The following GZMK variants were observed in gnomAD, a reference collection of about 807,000 sequenced individuals.
GZMK encodes granzyme K, also known as NK-Tryp-2.
In GZMK, 18 loss-of-function variants were observed where a neutral mutation model predicts 22.8. The ratio of observed to expected loss-of-function variants is 0.79; its 90% CI spans 0.54 to 1.17. The LOEUF is 1.17. GZMK is among the 50% of genes most tolerant of loss of function. GZMK has a pLI of 0.00. For missense variants in GZMK, 342 were observed against 320.2 expected (o/e 1.07, Z -0.52); for synonymous variants, 136 against 115.0 (o/e 1.18, Z -1.17).
At chr5:55,027,511 T>C (rs1741158552) in intron 2 of GZMK, 1 of 152,518 alleles carries the variant, frequency 6.6e-6, no homozygotes, top group Non-Finnish European at 1.5e-5. Flanking sequence ...CAAAGAGGGA[T>C]TGAGGAAAGA....
rs563658216 is a variant in GZMK, at chr5:55,033,806, C to T, written c.675C>T (p.His225=). The T allele has an allele frequency of 1.4e-5, 23 of 1,613,652 alleles. No homozygotes were observed. The highest frequency in any genetic ancestry group is 1.7e-4 in the Middle Eastern group (1 of 6,060). The change falls in exon 5 of 5, where the codon CAC becomes CAT. Residue 225 remains histidine (H), a synonymous_variant. Transcript: ENST00000231009. ...GGPLICKGVF[H]AIVSGGHECG... ...CCTTGATCTGTAAAGGTGTCTTCCACGCTATAGTCTCTGGAGGTCATGAAT... is the reference window on the plus strand; with the variant it reads ...CCTTGATCTGTAAAGGTGTCTTCCATGCTATAGTCTCTGGAGGTCATGAAT...
chr5:55,030,348 T>A lies in GZMK; in HGVS notation c.213-86T>A, dbSNP rs1284052960. 2.5e-5 allele frequency: 31 copies of A among 1,227,524 alleles called. 1 individual carries two copies. In the South Asian group the frequency reaches 3.1e-4, roughly 12 times the overall value. The allele number at this position is 1,227,524 out of a possible 1,614,324, so 76.0% of individuals were successfully genotyped here. A position where few individuals can be genotyped will look rare whatever the true frequency, so the allele number is the denominator to read the frequency against. ...CTTGGAGATAGCCCTTGTTTCTCTG[T>A]GTATACAACCCTCTCGACCATCACC... On this transcript the variant is annotated intron_variant, in intron 2 of 4. Coordinates refer to ENST00000231009, the MANE Select transcript of GZMK (RefSeq NM_002104.3).
At chr5:55,029,234 CA>C (rs930873832) in intron 2 of GZMK, among the ~76,000 whole-genome samples, 15 of 138,752 alleles carry the variant, frequency 1.1e-4, no homozygotes, top group Middle Eastern at 3.6e-3. Context: ...GACTCCTTCT[CA>C]AAAAAAAAAA....
chr5:55,028,832 T>C (rs1741176159), intron 2 of GZMK, among the ~76,000 whole-genome samples: 1 of 152,250 alleles, frequency 6.6e-6, no homozygotes, highest in African/African-American at 2.4e-5. Flanking sequence ...AAAAATTATT[T>C]CTACTTTATC....
At position 55,030,704 on chromosome 5, in the gene GZMK, T is replaced by C. The variant is rs141587942; in HGVS notation, c.363+120T>C. On this transcript the variant is annotated intron_variant, in intron 3 of 4. Transcript: ENST00000231009. The stretch of plus-strand genomic sequence containing the variant: ...ACCCTCCCCATGTTTGAGGTGATTA[T>C]GATATATTTTATAAGGGCCCATGTT... The C allele has an allele frequency of 1.2e-5, 9 of 740,342 alleles. No individual in the cohort carries two copies. The East Asian group carries it at 2.2e-4, about 18-fold the overall frequency. 45.9% of individuals were successfully genotyped at this position (740,342 alleles called of 1,614,324 possible). A position where few individuals can be genotyped will look rare whatever the true frequency, so the allele number is the denominator to read the frequency against.
chr5:55,031,615 C>G lies in GZMK; in HGVS notation c.615C>G (p.Gly205=), dbSNP rs372502807. Residue 205 remains glycine, a synonymous_variant, in exon 4 of 5, where the codon GGC becomes GGG. Coordinates refer to ENST00000231009, the MANE Select transcript of GZMK (RefSeq NM_002104.3). ...TGGTCTGTGCAGGAGATGCCAAAGG[C>G]CAGAAGGATTCCTGTAAGGTAAGAA... The part of the protein sequence containing the change: ...KDMVCAGDAK[G]QKDSCKGDSG... 6.2e-7 allele frequency: 1 copy of G among 1,613,168 alleles called. No individual in the cohort carries two copies. The highest frequency in any genetic ancestry group is 8.5e-7 in the Non-Finnish European group (1 of 1,179,248).
Position 55,031,492 on chromosome 5 carries a change from T to G in GZMK, c.492T>G (p.Pro164=). 6.2e-7 allele frequency: 1 copy of G among 1,614,184 alleles called. No homozygotes were observed. The highest frequency in any genetic ancestry group is 8.5e-7 in the Non-Finnish European group (1 of 1,180,010). ...CCACCGATCCAGATTCATTAAGACC[T>G]TCTGACACCCTGCGAGAAGTCACTG... ...WGATDPDSLR[P]SDTLREVTVT... Residue 164 remains proline (P), a synonymous_variant, in exon 4 of 5, where the codon CCT becomes CCG. Transcript: ENST00000231009.
chr5:55,025,643 T>TC (rs1015930944), intron 2 of GZMK: 4 of 152,098 alleles, frequency 2.6e-5, no homozygotes, highest in African/African-American at 9.7e-5. Context: ...GTTTTGTTTT[T>TC]TGTTTGTATA....
intron 2 of GZMK, 160 bp downstream of exon 2, chr5:55,024,967 T>C: frequency 2.0e-6 from 1 of 501,262 alleles, no homozygotes; most frequent in Non-Finnish European, 3.5e-6. Flanking sequence ...ATCCACGCTT[T>C]CTGTCTTGGG....
Position 55,030,488 on chromosome 5 carries a change from G to A in GZMK, c.267G>A (p.Lys89=). The A allele has an allele frequency of 6.2e-7, 1 of 1,613,642 alleles. No homozygotes were observed. The highest frequency in any genetic ancestry group is 8.5e-7 in the Non-Finnish European group (1 of 1,179,546). The change falls in exon 3 of 5, where the codon AAG becomes AAA. Residue 89 remains lysine, a synonymous_variant. Coordinates refer to ENST00000231009, the MANE Select transcript of GZMK (RefSeq NM_002104.3). ...TTTTAGGCGCACACTCTCTCTCAAAGAATGAGGCCTCCAAACAAACACTGG... is the reference window on the plus strand; with the variant it reads ...TTTTAGGCGCACACTCTCTCTCAAAAAATGAGGCCTCCAAACAAACACTGG... ...TVVLGAHSLS[K]NEASKQTLEI...
At chr5:55,027,875 C>T (rs1265735028) in intron 2 of GZMK, among the ~76,000 whole-genome samples, 1 of 152,196 alleles carries the variant, frequency 6.6e-6, no homozygotes, top group Non-Finnish European at 1.5e-5. Flanking sequence ...AACTGAAAAA[C>T]ACTGGCATTA....
Position 55,031,460 on chromosome 5 carries a change from T to C in GZMK, c.460T>C (p.Trp154Arg), listed in dbSNP as rs775939517. Residue 154 changes from tryptophan (W) to arginine (R), a missense_variant, in exon 4 of 5, where the codon TGG (tryptophan) becomes CGG (arginine). Coordinates refer to ENST00000231009, the MANE Select transcript of GZMK (RefSeq NM_002104.3). ...TGGAACCAAATGCAAGGTTACTGGC[T>C]GGGGAGCCACCGATCCAGATTCATT... is the stretch of plus-strand genomic sequence containing the variant. ...RSGTKCKVTG[W>R]GATDPDSLRP... 23 of 1,614,086 alleles carry C rather than the reference T, an allele frequency of 1.4e-5. No homozygotes were observed. The Admixed American group carries it at 3.5e-4, about 25-fold the overall frequency.
At position 55,024,409 on chromosome 5, in the gene GZMK, T is replaced by C. The variant is rs370599544; in HGVS notation, c.64+23T>C. ...TGTGTAAGTATCTCCTATATCTACA[T>C]GTAAACATTAAATGAATTTCTACTG... is the stretch of plus-strand genomic sequence containing the variant. On this transcript the variant is annotated intron_variant, in intron 1 of 4. Coordinates refer to ENST00000231009, the MANE Select transcript of GZMK (RefSeq NM_002104.3). 1.7e-5 allele frequency: 18 copies of C among 1,078,568 alleles called. No homozygotes were observed. In the African/African-American group the frequency reaches 2.7e-4, roughly 16 times the overall value. 66.8% of individuals were successfully genotyped at this position (1,078,568 alleles called of 1,614,324 possible). A position where few individuals can be genotyped will look rare whatever the true frequency, so the allele number is the denominator to read the frequency against.
chr5:55,031,234 AG>A (rs557871843), intron 3 of GZMK, 129 bp from the exon 4 acceptor site: 80 of 726,076 alleles, frequency 1.1e-4, no homozygotes, highest in Admixed American at 7.7e-4. Context: ...ATGCAGCTGC[AG>A]GCCACCACCA....
chr5:55,034,018 G>A lies in GZMK; in HGVS notation c.*92G>A. The A allele has an allele frequency of 1.1e-6, 1 of 922,462 alleles. No homozygotes were observed. The highest frequency in any genetic ancestry group is 1.6e-6 in the Non-Finnish European group (1 of 624,808). The allele number at this position is 922,462 out of a possible 1,614,324, so 57.1% of individuals were successfully genotyped here. On this transcript the variant is annotated 3_prime_UTR_variant, in exon 5 of 5. Transcript: ENST00000231009. ...GTGTAAGTAAAGCAGAGCACATATG[G>A]GGTCCATTTTTGCACTTGTAAGTCA...
intron 4 of GZMK, among the ~76,000 whole-genome samples, chr5:55,032,282 T>G (rs1488814830): frequency 6.6e-6 from 1 of 152,148 alleles, no homozygotes; most frequent in Non-Finnish European, 1.5e-5. Flanking sequence ...TTAGGCCTCT[T>G]TAATAAGGGA....
chr5:55,030,720 G>A (rs1741216662), intron 3 of GZMK, 136 bp downstream of exon 3: 1 of 689,458 alleles, frequency 1.5e-6, no homozygotes, highest in East Asian at 2.5e-5. Flanking sequence ...ATTTTATAAG[G>A]GCCCATGTTA....
chr5:55,030,689 T>A, intron 3 of GZMK, 105 bp downstream of exon 3: 1 of 789,412 alleles, frequency 1.3e-6, no homozygotes, highest in South Asian at 1.6e-5. Flanking sequence ...ACCCTCCCCA[T>A]GTTTGAGGTG....
chr5:55,026,219 TCTTTG>T (rs1741140808), intron 2 of GZMK, among the ~76,000 whole-genome samples: 1 of 152,240 alleles, frequency 6.6e-6, no homozygotes, highest in African/African-American at 2.4e-5. Flanking sequence ...TTTCTTTCTT[TCTTTG>T]GCTAGGCCTG....
Sources: gnomAD v4.1 joint callset for allele counts (sites outside exome capture counted in the v4.1 genomes callset) on GRCh38, gnomAD v4.1.1 for gene constraint, MANE v1.5 for transcripts, NCBI Gene and HGNC (gene_info 2026-07-23, HGNC 2026-07-21) for gene names.